The following TMEM132D variants were observed in gnomAD, a reference collection of about 807,000 sequenced individuals.
TMEM132D encodes mature OL transmembrane protein.
A neutral mutation model predicts 62.3 loss-of-function variants in TMEM132D; 21 were observed. The ratio of observed to expected loss-of-function variants is 0.34; its 90% CI spans 0.24 to 0.49. TMEM132D has a LOEUF of 0.49. TMEM132D is among the 20% of genes least tolerant of loss of function. The pLI, the probability that TMEM132D is intolerant of heterozygous loss-of-function variation, is 0.99. For synonymous variants in TMEM132D, 621 were observed against 575.6 expected, an observed-to-expected ratio of 1.08 and a Z score of -1.13; for missense variants, 1,346 against 1,402.8, an observed-to-expected ratio of 0.96 and a Z score of 0.65.
Position 129,649,882 on chromosome 12 carries a change from GTA to G in TMEM132D, c.968+49926_968+49927del, listed in dbSNP as rs1312254335. Among the ~76,000 whole-genome samples the G allele has an allele frequency of 1.0e-4, 15 of 150,180 alleles. No individual in the cohort carries two copies. The South Asian group carries it at 1.5e-3, about 15-fold the overall frequency. On this transcript the variant is annotated intron_variant, in intron 2 of 8. Coordinates refer to ENST00000422113, the MANE Select transcript of TMEM132D (RefSeq NM_133448.3). ...TGTGTATGTATGTGTGTGCATGTGT[GTA>G]TATGTGTGTTTGTGTGTGTGTCTAT...
intron 1 of TMEM132D, among the ~76,000 whole-genome samples, chr12:129,864,696 T>A (rs999668955): frequency 1.3e-5 from 2 of 152,188 alleles, no homozygotes; most frequent in Non-Finnish European, 2.9e-5. Flanking sequence ...TGAAGGTTAT[T>A]CTGACATTCT....
At chr12:129,811,187 C>T (rs936827688) in intron 1 of TMEM132D, among the ~76,000 whole-genome samples, 1 of 151,582 alleles carries the variant, frequency 6.6e-6, no homozygotes, top group Non-Finnish European at 1.5e-5. Flanking sequence ...GGGAAAATGA[C>T]CTGGATTTAT....
At chr12:129,403,729 AT>A (rs1871689025) in intron 3 of TMEM132D, among the ~76,000 whole-genome samples, 2 of 152,162 alleles carry the variant, frequency 1.3e-5, no homozygotes. Context: ...TAGAAAATTA[AT>A]TTTAAAAAAC....
chr12:129,429,908 G>A (rs1211671569), intron 3 of TMEM132D, among the ~76,000 whole-genome samples: 5 of 152,026 alleles, frequency 3.3e-5, no homozygotes, highest in South Asian at 4.2e-4. Context: ...CAAAGGACAT[G>A]AACTCATCCT....
At chr12:129,643,020 G>T (rs1879680252) in intron 2 of TMEM132D, among the ~76,000 whole-genome samples, 1 of 146,746 alleles carries the variant, frequency 6.8e-6, no homozygotes, top group Non-Finnish European at 1.5e-5. Flanking sequence ...TGCCTCCCAG[G>T]TTCAAGGGAT....
chr12:129,736,601 T>C (rs1869431263), intron 1 of TMEM132D, among the ~76,000 whole-genome samples: 1 of 87,688 alleles, frequency 1.1e-5, no homozygotes, highest in Non-Finnish European at 2.2e-5. Context: ...AAAACAATGA[T>C]GTTTTATAGT....
chr12:129,588,153 A>G (rs1878082726), intron 2 of TMEM132D, among the ~76,000 whole-genome samples: 1 of 152,244 alleles, frequency 6.6e-6, no homozygotes, highest in African/African-American at 2.4e-5. Context: ...GTGGATTTAC[A>G]TAAATCATTC....
intron 1 of TMEM132D, among the ~76,000 whole-genome samples, chr12:129,862,520 G>C (rs1873932168): frequency 6.6e-6 from 1 of 152,184 alleles, no homozygotes; most frequent in African/African-American, 2.4e-5. Context: ...TGTGCTCTCT[G>C]AACTTTCCAT....
chr12:129,157,263 G>A (rs1172429619), intron 5 of TMEM132D, among the ~76,000 whole-genome samples: 1 of 152,218 alleles, frequency 6.6e-6, no homozygotes, highest in Non-Finnish European at 1.5e-5. Flanking sequence ...GGGCCCTCAT[G>A]ACCTAATCAC....
At chr12:129,799,586 A>C (rs986889903) in intron 1 of TMEM132D, among the ~76,000 whole-genome samples, 1 of 151,936 alleles carries the variant, frequency 6.6e-6, no homozygotes, top group Admixed American at 6.6e-5. Flanking sequence ...TGAGGCACAG[A>C]TGGTGTTTTG....
At chr12:129,347,452 A>T (rs1160902493) in intron 3 of TMEM132D, among the ~76,000 whole-genome samples, 1 of 152,206 alleles carries the variant, frequency 6.6e-6, no homozygotes, top group African/African-American at 2.4e-5. Context: ...AAAACAAGCA[A>T]TGGAGAAAGG....
At chr12:129,188,149 G>A (rs1287734756) in intron 5 of TMEM132D, among the ~76,000 whole-genome samples, 1 of 152,156 alleles carries the variant, frequency 6.6e-6, no homozygotes, top group Non-Finnish European at 1.5e-5. Context: ...CTTGAACGTG[G>A]ACATGGAGAC....
chr12:129,075,964 C>T (rs915892300), intron 8 of TMEM132D, among the ~76,000 whole-genome samples: 13 of 151,984 alleles, frequency 8.6e-5, no homozygotes, highest in African/African-American at 2.9e-4. Flanking sequence ...GCCCCAAGCC[C>T]GAGATGATGA....
intron 2 of TMEM132D, among the ~76,000 whole-genome samples, chr12:129,624,475 G>A (rs531574552): frequency 6.6e-4 from 101 of 152,334 alleles, no homozygotes; most frequent in Non-Finnish European, 1.2e-3. Flanking sequence ...TAGGAGCTGT[G>A]TGGGACCCAG....
intron 1 of TMEM132D, among the ~76,000 whole-genome samples, chr12:129,777,386 G>A (rs902441275): frequency 3.9e-5 from 6 of 152,272 alleles, no homozygotes; most frequent in East Asian, 1.9e-4. Flanking sequence ...CAGACTCTGC[G>A]TGGGAAGAAC....
chr12:129,775,988 C>A (rs553252603), intron 1 of TMEM132D, among the ~76,000 whole-genome samples: 56 of 152,178 alleles, frequency 3.7e-4, no homozygotes, highest in Non-Finnish European at 6.8e-4. Flanking sequence ...AAAAAACATT[C>A]TCCTCTGTCT....
intron 5 of TMEM132D, chr12:129,085,041 T>G (rs1341387119): frequency 2.3e-6 from 1 of 431,486 alleles, no homozygotes; most frequent in Non-Finnish European, 4.1e-6. Flanking sequence ...GCTGTGTCCC[T>G]CAGAGTTACC....
intron 3 of TMEM132D, among the ~76,000 whole-genome samples, chr12:129,465,250 T>C (rs917241111): frequency 7.2e-5 from 11 of 152,162 alleles, no homozygotes; most frequent in Non-Finnish European, 1.5e-4. Context: ...TCAACAACCC[T>C]TCATGCTAAA....
At chr12:129,484,351 A>C (rs1457028592) in intron 3 of TMEM132D, among the ~76,000 whole-genome samples, 2 of 152,156 alleles carry the variant, frequency 1.3e-5, no homozygotes, top group Non-Finnish European at 2.9e-5. Context: ...CTGGACCAAA[A>C]ACTTGTCCAA....
Sources: gnomAD v4.1 joint callset for allele counts (sites outside exome capture counted in the v4.1 genomes callset) on GRCh38, gnomAD v4.1.1 for gene constraint, MANE v1.5 for transcripts, NCBI Gene and HGNC (gene_info 2026-07-23, HGNC 2026-07-21) for gene names.